The following ZBTB46 variants were observed in gnomAD, a reference collection of about 807,000 sequenced individuals.
ZBTB46 encodes the protein zinc finger and BTB domain containing 46.
ZBTB46 carries 8 observed loss-of-function variants against 44.1 expected under a neutral mutation model. The observed-to-expected ratio is 0.18, with a 90% CI of 0.11 to 0.33. ZBTB46 has a LOEUF of 0.33. Ranked by LOEUF, ZBTB46 falls within the 10% of genes least tolerant of loss-of-function variation. ZBTB46 has a pLI of 1.00. For missense variants in ZBTB46, 651 were observed against 847.7 expected, an observed-to-expected ratio of 0.77 and a Z score of 2.88; for synonymous variants, 409 against 382.3, an observed-to-expected ratio of 1.07 and a Z score of -0.81.
upstream of ZBTB46, among the ~76,000 whole-genome samples, chr20:63,832,641 T>C (rs2092858042): frequency 6.6e-6 from 1 of 152,094 alleles, no homozygotes; most frequent in African/African-American, 2.4e-5. This position sits in a 1 kb window ranked among gnomAD's most constrained non-coding sequence, Gnocchi z 5.0. Flanking sequence ...GAAATGGCTG[T>C]GCGGACACCC....
rs1202611194 is a variant in ZBTB46, at chr20:63,813,701, CAGAG to C, written c.-34+17392_-34+17395del. 5.3e-5 allele frequency among the ~76,000 whole-genome samples: 8 copies of C among 152,262 alleles called. No individual in the cohort carries two copies. The South Asian group carries it at 1.5e-3, about 28-fold the overall frequency. On this transcript the variant is annotated intron_variant, in intron 1 of 4. Transcript: ENST00000245663. Reference sequence around the variant, plus strand: ...CCTTCAGCAAATAAGTAGCATGAAACAGAGAGAAGAAACGCAACTTCAGGGACAT... The same window carrying C: ...CCTTCAGCAAATAAGTAGCATGAAACAGAAGAAACGCAACTTCAGGGACAT...
In ZBTB46 at chr20:63,767,752, A is replaced by G; in HGVS notation, c.1222+7926T>C. The stretch of plus-strand genomic sequence containing the variant: ...TAGCTGGCCTCAGGGTAAAGCTGTC[A>G]GCGCCCAAGGAGCTCCAGGCGAGGC... On this transcript the variant is annotated intron_variant, in intron 3 of 4. Transcript: ENST00000245663. The surrounding 1 kb of genome is among the most constrained non-coding windows in gnomAD (Gnocchi z 5.0). The G allele has an allele frequency of 2.5e-6, 1 of 400,262 alleles. No homozygotes were observed. 24.8% of individuals were successfully genotyped at this position (400,262 alleles called of 1,614,324 possible).
At chr20:63,816,152 G>A (rs2092756405) in intron 1 of ZBTB46, among the ~76,000 whole-genome samples, 2 of 150,580 alleles carry the variant, frequency 1.3e-5, no homozygotes, top group Non-Finnish European at 2.9e-5. Context: ...TGCAGGTGCA[G>A]TGGGTGCAGG....
chr20:63,813,871 G>T (rs956186667), intron 1 of ZBTB46, among the ~76,000 whole-genome samples: 1 of 152,228 alleles, frequency 6.6e-6, no homozygotes, highest in Admixed American at 6.5e-5. Flanking sequence ...GTGCCCGGCT[G>T]CGTGTGAGCC....
Position 63,790,297 on chromosome 20 carries a change from G to C in ZBTB46, c.461C>G (p.Thr154Arg), listed in dbSNP as rs751613846. The C allele has an allele frequency of 6.2e-7, 1 of 1,612,874 alleles. No individual in the cohort carries two copies. The highest frequency in any genetic ancestry group is 1.7e-5 in the Admixed American group (1 of 59,968). ...CATCACGGCCGAGATGAGAGCTTCC[G>C]TGCTGCTGCTGGACGAGGCGCCGAT... The part of the protein sequence containing the change: ...FEIGASSSSS[T>R]EALISAVMAG... Residue 154 changes from threonine to arginine, a missense_variant, in exon 2 of 5, where the codon ACG (threonine) becomes AGG (arginine). By Grantham distance (71) the Thr-to-Arg change is moderately conservative (BLOSUM62 -1). Coordinates refer to ENST00000245663, the MANE Select transcript of ZBTB46 (RefSeq NM_001369741.1).
intron 3 of ZBTB46, among the ~76,000 whole-genome samples, chr20:63,760,615 C>G (rs1195040367): frequency 6.6e-6 from 1 of 152,026 alleles, no homozygotes; most frequent in Non-Finnish European, 1.5e-5. Flanking sequence ...TGTCACCACA[C>G]CTGGCTAATT....
chr20:63,797,173 A>G (rs965856851), intron 1 of ZBTB46, among the ~76,000 whole-genome samples: 12 of 96,768 alleles, frequency 1.2e-4, no homozygotes, highest in Admixed American at 7.1e-4. Flanking sequence ...CCACCCCACA[A>G]CAGGCCCTGG....
intron 3 of ZBTB46, among the ~76,000 whole-genome samples, chr20:63,772,748 CA>C (rs1568850306): frequency 0.027 from 2,345 of 87,188 alleles, 68 homozygotes; most frequent in African/African-American, 0.095. Context: ...CACACACACA[CA>C]CACACACACA....
At chr20:63,810,985 C>A (rs559574036) in intron 1 of ZBTB46, among the ~76,000 whole-genome samples, 52 of 152,356 alleles carry the variant, frequency 3.4e-4, no homozygotes, top group African/African-American at 1.2e-3. Context: ...GGAGCTCCAG[C>A]GGCAGAGCCG....
intron 1 of ZBTB46, among the ~76,000 whole-genome samples, chr20:63,813,306 G>A (rs779165528): frequency 3.3e-5 from 5 of 151,608 alleles, no homozygotes; most frequent in Non-Finnish European, 7.4e-5. Flanking sequence ...AAAATTAGCC[G>A]GGTGTGGTGG....
chr20:63,825,985 A>G (rs1469362241), intron 1 of ZBTB46, among the ~76,000 whole-genome samples: 1 of 152,172 alleles, frequency 6.6e-6, no homozygotes, highest in African/African-American at 2.4e-5. Flanking sequence ...ACCTCTCACA[A>G]AGGCAGCTGT....
intron 3 of ZBTB46, among the ~76,000 whole-genome samples, chr20:63,753,649 T>G (rs1456087044): frequency 6.6e-6 from 1 of 152,246 alleles, no homozygotes; most frequent in Non-Finnish European, 1.5e-5. Context: ...TGAAGCCCGG[T>G]GCACGCATGT....
At chr20:63,783,386 G>A (rs1315186780) in intron 2 of ZBTB46, among the ~76,000 whole-genome samples, 1 of 152,076 alleles carries the variant, frequency 6.6e-6, no homozygotes, top group Non-Finnish European at 1.5e-5. Flanking sequence ...CCGAGATCGC[G>A]CCATTGCACT....
intron 1 of ZBTB46, among the ~76,000 whole-genome samples, chr20:63,794,013 C>T (rs989937855): frequency 2.6e-5 from 4 of 151,910 alleles, no homozygotes; most frequent in South Asian, 2.1e-4. Context: ...GGTGAAACCC[C>T]GTCTCTACTA....
rs137914568 is a variant in ZBTB46 at position 63,769,424 on chromosome 20, C to T, written c.1222+6254G>A. On this transcript the variant is annotated intron_variant, in intron 3 of 4. Transcript: ENST00000245663. ...AGGAGGAGTCTCACCCACAGGAACG[C>T]GCACCAGCTGCTGGGTTCTAGAGAG... 308 of 985,416 alleles carry T rather than the reference C, an allele frequency of 3.1e-4. 1 individual carries two copies. In the Middle Eastern group the frequency reaches 3.1e-3, roughly 10 times the overall value. The allele number at this position is 985,416 out of a possible 1,614,324, so 61.0% of individuals were successfully genotyped here. A position where few individuals can be genotyped will look rare whatever the true frequency, so the allele number is the denominator to read the frequency against.
At chr20:63,773,635 C>T (rs1419968788) in intron 3 of ZBTB46, among the ~76,000 whole-genome samples, 9 of 152,042 alleles carry the variant, frequency 5.9e-5, no homozygotes, top group Non-Finnish European at 1.2e-4. Context: ...CCCCCTCCGA[C>T]GGCACCCACG....
intron 1 of ZBTB46, among the ~76,000 whole-genome samples, chr20:63,811,807 C>T (rs1032593186): frequency 2.6e-5 from 4 of 152,192 alleles, no homozygotes; most frequent in African/African-American, 7.2e-5. Context: ...TTTCATCCAA[C>T]TCTGCCATAA....
intron 1 of ZBTB46, among the ~76,000 whole-genome samples, chr20:63,793,613 G>A (rs2092577827): frequency 9.4e-6 from 1 of 105,864 alleles, no homozygotes; most frequent in Non-Finnish European, 2.0e-5. Flanking sequence ...GAGCCTGTAA[G>A]AATTAAGGAG....
intron 1 of ZBTB46, chr20:63,807,961 A>G (rs999369851): frequency 6.7e-6 from 1 of 149,374 alleles, no homozygotes. Context: ...CCCACAGGAG[A>G]CACTCACGGA....
Sources: allele counts gnomAD v4.1 joint callset (sites outside exome capture counted in the v4.1 genomes callset), GRCh38; gene constraint gnomAD v4.1.1; non-coding constraint Gnocchi (gnomAD v3.1); transcripts MANE v1.5; gene names NCBI Gene and HGNC (gene_info 2026-07-23, HGNC 2026-07-21).